Variants in LCOR observed in about 807,000 individuals in gnomAD.
The protein encoded by LCOR is ligand dependent nuclear receptor corepressor, also known as ligand-dependent corepressor.
In LCOR, 14 loss-of-function variants were observed where a neutral mutation model predicts 64.4. The ratio of observed to expected loss-of-function variants is 0.22; its 90% confidence interval spans 0.14 to 0.34. LCOR has a LOEUF of 0.34. LCOR is among the 10% of genes least tolerant of loss of function. The pLI is 1.00. For synonymous variants in LCOR, 643 were observed against 642.5 expected, an observed-to-expected ratio of 1.00 and a Z score of -0.01; for missense variants, 1,686 against 1,765.3, an observed-to-expected ratio of 0.96 and a Z score of 0.80.
chr10:96,882,666 T>G (rs960572982), intron 2 of LCOR, among the ~76,000 whole-genome samples: 1 of 152,220 alleles, frequency 6.6e-6, no homozygotes, highest in African/African-American at 2.4e-5. Context: ...TTTTGACACG[T>G]GTTGACCATT....
At chr10:96,885,522 C>T (rs907144940) in intron 2 of LCOR, among the ~76,000 whole-genome samples, 25 of 151,220 alleles carry the variant, frequency 1.7e-4, no homozygotes, top group African/African-American at 6.1e-4. Context: ...GCTGGGATCA[C>T]AGGCCAGTGC....
intron 2 of LCOR, among the ~76,000 whole-genome samples, chr10:96,862,963 C>G (rs1845912101): frequency 6.6e-6 from 1 of 151,652 alleles, no homozygotes; most frequent in African/African-American, 2.4e-5. Flanking sequence ...TCACTGCAAC[C>G]TCTGCCTCCT....
chr10:96,837,167 T>G (rs1845457879), intron 2 of LCOR, among the ~76,000 whole-genome samples: 1 of 152,152 alleles, frequency 6.6e-6, no homozygotes, highest in Non-Finnish European at 1.5e-5. Flanking sequence ...ATTTTTTGTC[T>G]TTTTAGTAGA....
chr10:96,947,905 TTTGATTGAC>T (rs1847615976), intron 5 of LCOR, among the ~76,000 whole-genome samples: 1 of 152,106 alleles, frequency 6.6e-6, no homozygotes, highest in Admixed American at 6.5e-5. Flanking sequence ...TGGTGATTGA[TTTGATTGAC>T]CTATTTAGTA....
chr10:96,885,369 G>GTTTTGT (rs1564614929), intron 2 of LCOR, among the ~76,000 whole-genome samples: 1 of 151,832 alleles, frequency 6.6e-6, no homozygotes, highest in East Asian at 1.9e-4. Flanking sequence ...TGTTAATTAG[G>GTTTTGT]TTTTGTTTTT....
In LCOR at chr10:96,983,167, G is replaced by C; in HGVS notation, c.2707G>C (p.Gly903Arg). 6.2e-7 allele frequency: 1 copy of C among 1,614,134 alleles called. No homozygotes were observed. Among genetic ancestry groups the C allele is most frequent in the Non-Finnish European group, 8.5e-7 (1 of 1,180,040 alleles). ...SEKDAEQEGE[G>R]GGIITRQTLK... is the part of the protein sequence containing the mutation. ...GAAAGATGCTGAGCAGGAGGGCGAA[G>C]GCGGGGGGATCATCACCAGGCAGAC... The change falls in exon 8 of 8, where the codon GGC becomes CGC. Residue 903 changes from glycine (G) to arginine (R), a missense_variant. Gly to Arg is a moderately radical substitution (Grantham distance 125). This residue lies in a region of LCOR where 1,293 missense variants were observed against 1,410.4 expected (regional missense o/e 0.92). Coordinates refer to ENST00000421806, the MANE Select transcript of LCOR (RefSeq NM_001346516.2). This position sits in a 1 kb window ranked among gnomAD's most constrained non-coding sequence, Gnocchi z 4.5.
At chr10:96,845,325 A>G (rs967011080) in intron 2 of LCOR, among the ~76,000 whole-genome samples, 4 of 151,974 alleles carry the variant, frequency 2.6e-5, no homozygotes, top group Non-Finnish European at 4.4e-5. Flanking sequence ...TCACATTTCA[A>G]ATGTGGCTCT....
intron 6 of LCOR, among the ~76,000 whole-genome samples, chr10:96,951,063 G>A (rs1208177219): frequency 1.3e-5 from 2 of 152,056 alleles, no homozygotes; most frequent in Non-Finnish European, 2.9e-5. Flanking sequence ...TCAGATACAA[G>A]TTGTAAGTAG....
chr10:96,920,795 C>T (rs1051622581), intron 4 of LCOR, among the ~76,000 whole-genome samples: 8 of 75,612 alleles, frequency 1.1e-4, no homozygotes, highest in Admixed American at 3.5e-4. Context: ...CACACACGCG[C>T]GGTGGGGGGG....
intron 2 of LCOR, among the ~76,000 whole-genome samples, chr10:96,890,178 G>T (rs1285061625): frequency 6.6e-6 from 1 of 152,024 alleles, no homozygotes; most frequent in Non-Finnish European, 1.5e-5. Flanking sequence ...TCCTAGTTCA[G>T]TGTAACTTTG....
intron 5 of LCOR, among the ~76,000 whole-genome samples, chr10:96,946,899 A>T (rs1035855019): frequency 7.2e-5 from 11 of 152,088 alleles, no homozygotes; most frequent in Non-Finnish European, 1.3e-4. Context: ...ATTTTATTTT[A>T]CTTTTTATAT....
In LCOR at chr10:96,956,463, G is replaced by A. The variant is rs1003986981; in HGVS notation, c.332+4267G>A. On this transcript the variant is annotated intron_variant, in intron 7 of 7. Transcript: ENST00000421806. ...AGAAGAACAATGAACCTTTGACTTT[G>A]AGAAATTTGGTTATTCACTGACATA... The A allele has an allele frequency of 5.1e-6, 5 of 984,636 alleles. No individual in the cohort carries two copies. In the African/African-American group the frequency reaches 8.7e-5, roughly 17 times the overall value. The allele number at this position is 984,636 out of a possible 1,614,324, so 61.0% of individuals were successfully genotyped here. A position where few individuals can be genotyped will look rare whatever the true frequency, so the allele number is the denominator to read the frequency against.
At chr10:96,872,318 G>T (rs1322483016) in intron 2 of LCOR, among the ~76,000 whole-genome samples, 1 of 152,250 alleles carries the variant, frequency 6.6e-6, no homozygotes, top group East Asian at 1.9e-4. Flanking sequence ...GTCACTATGA[G>T]ATTTTAAGAG....
chr10:96,940,104 C>A (rs1455437214), intron 4 of LCOR, among the ~76,000 whole-genome samples: 1 of 152,098 alleles, frequency 6.6e-6, no homozygotes, highest in Non-Finnish European at 1.5e-5. Flanking sequence ...CACTTCTTAT[C>A]TACTAAAATG....
chr10:96,984,040 C>A lies in LCOR; in HGVS notation c.3580C>A (p.Arg1194=), dbSNP rs137993125. The stretch of plus-strand genomic sequence containing the variant: ...ATGGTTCTTAGAGACAACTGAAACC[C>A]GGTCTCTAGTCATTGTGAAGAAGCT... The part of the protein sequence containing the change: ...CKWFLETTET[R]SLVIVKKLNT... Residue 1194 remains arginine (R), a synonymous_variant, in exon 8 of 8, where the codon CGG becomes AGG. Coordinates refer to ENST00000421806, the MANE Select transcript of LCOR (RefSeq NM_001346516.2). 1 of 1,613,826 alleles carries A rather than the reference C, an allele frequency of 6.2e-7. No homozygotes were observed. Among genetic ancestry groups the A allele is most frequent in the Non-Finnish European group, 8.5e-7 (1 of 1,179,932 alleles).
intron 2 of LCOR, among the ~76,000 whole-genome samples, chr10:96,865,441 A>T (rs1361341074): frequency 6.6e-6 from 1 of 152,194 alleles, no homozygotes; most frequent in African/African-American, 2.4e-5. Context: ...TTAGGCAGAC[A>T]TTCTGTCAGT....
intron 4 of LCOR, among the ~76,000 whole-genome samples, chr10:96,913,319 T>C (rs1846878480): frequency 6.6e-6 from 1 of 152,222 alleles, no homozygotes; most frequent in Non-Finnish European, 1.5e-5. Flanking sequence ...GATTTTTTGA[T>C]TACAGATATG....
intron 2 of LCOR, among the ~76,000 whole-genome samples, chr10:96,846,001 G>A (rs1360847678): frequency 6.6e-6 from 1 of 152,010 alleles, no homozygotes; most frequent in Non-Finnish European, 1.5e-5. Context: ...GAGGTCAGGA[G>A]TTTGAGACCA....
intron 2 of LCOR, among the ~76,000 whole-genome samples, chr10:96,857,845 A>G (rs1283989952): frequency 6.6e-6 from 1 of 152,160 alleles, no homozygotes. Flanking sequence ...ATTCTCCAAG[A>G]TATCTGATCC....
Sources: allele counts gnomAD v4.1 joint callset (sites outside exome capture counted in the v4.1 genomes callset), GRCh38; gene constraint gnomAD v4.1.1; regional missense constraint gnomAD v4.1.1; non-coding constraint Gnocchi (gnomAD v3.1); transcripts MANE v1.5; gene names NCBI Gene and HGNC (gene_info 2026-07-23, HGNC 2026-07-21).